Variants in SLC9C1 observed in about 807,000 individuals in gnomAD.
SLC9C1 encodes the protein solute carrier family 9 member C1.
In SLC9C1, 97 loss-of-function variants were observed where a neutral mutation model predicts 140.9. The ratio of observed to expected loss-of-function variants is 0.69; its 90% confidence interval spans 0.58 to 0.82. The LOEUF is 0.82. SLC9C1 is among the 40% of genes least tolerant of loss of function. The probability of loss-of-function intolerance (pLI) is 0.00; values close to 1 mark genes in which losing one functional copy is unlikely to be tolerated. For synonymous variants in SLC9C1, 440 were observed against 442.6 expected, an observed-to-expected ratio of 0.99 and a Z score of 0.07; for missense variants, 1,340 against 1,389.3, an observed-to-expected ratio of 0.96 and a Z score of 0.56.
chr3:112,266,380 C>G, intron 7 of SLC9C1, 40 bp from the exon 8 acceptor site: 1 of 1,445,548 alleles, frequency 6.9e-7, no homozygotes, highest in Non-Finnish European at 9.5e-7. Context: ...ATTAATTTAA[C>G]ATCAACAGCA....
At chr3:112,187,450 C>A (rs971168245) in intron 20 of SLC9C1, among the ~76,000 whole-genome samples, 2 of 152,066 alleles carry the variant, frequency 1.3e-5, no homozygotes, top group African/African-American at 2.4e-5. Context: ...CTAAAAATAA[C>A]CTTCATTGAA....
intron 28 of SLC9C1, among the ~76,000 whole-genome samples, chr3:112,147,926 T>C (rs1483745918): frequency 6.6e-6 from 1 of 152,224 alleles, no homozygotes; most frequent in Admixed American, 6.5e-5. Flanking sequence ...GATTTCTTTA[T>C]ATAATCCCAT....
chr3:112,190,402 A>G (rs767078457), intron 20 of SLC9C1, among the ~76,000 whole-genome samples: 44 of 152,302 alleles, frequency 2.9e-4, no homozygotes, highest in Middle Eastern at 3.4e-3. Context: ...ATTTTGAGAT[A>G]CATTCCATCA....
intron 7 of SLC9C1, 116 bp from the exon 8 acceptor site, chr3:112,266,456 C>T (rs1298969379): frequency 4.2e-6 from 3 of 718,568 alleles, no homozygotes; most frequent in African/African-American, 1.8e-5. Flanking sequence ...TATAGAGAGG[C>T]AACTTCACTT....
intron 3 of SLC9C1, 106 bp from the exon 4 acceptor site, chr3:112,278,963 A>G: frequency 1.7e-6 from 2 of 1,145,370 alleles, no homozygotes; most frequent in Non-Finnish European, 2.4e-6. Context: ...AATTTTTAAA[A>G]GATATATCAC....
intron 26 of SLC9C1, among the ~76,000 whole-genome samples, chr3:112,165,950 T>G (rs2077123057): frequency 6.6e-6 from 1 of 152,242 alleles, no homozygotes; most frequent in Admixed American, 6.5e-5. Context: ...TTTGTTTACC[T>G]ACTCAAGCCT....
At chr3:112,220,027 CA>C (rs2078497300) in intron 14 of SLC9C1, among the ~76,000 whole-genome samples, 1 of 152,174 alleles carries the variant, frequency 6.6e-6, no homozygotes, top group Non-Finnish European at 1.5e-5. Flanking sequence ...CCAGCCCTCT[CA>C]ACTCCCTCAA....
chr3:112,258,398 G>A (rs1445360111), intron 10 of SLC9C1, among the ~76,000 whole-genome samples: 1 of 136,356 alleles, frequency 7.3e-6, no homozygotes, highest in African/African-American at 2.5e-5. Flanking sequence ...AGATTTGGGT[G>A]GGTTTTTTTG....
intron 13 of SLC9C1, among the ~76,000 whole-genome samples, chr3:112,222,297 C>T (rs1271988232): frequency 6.6e-6 from 1 of 151,974 alleles, no homozygotes; most frequent in Non-Finnish European, 1.5e-5. Flanking sequence ...CCAATGGGAA[C>T]GCAGAAACCA....
Position 112,167,342 on chromosome 3 carries a change from TTGTATC to T in SLC9C1, c.3238-1_3242del. ...CTACTTTTGTGAAATCTTCAATACT[TTGTATC>T]TGAAAGTTGACAGAATGCAAGTTAA... On this transcript the variant is annotated splice_acceptor_variant and coding_sequence_variant, in exon 26 of 29. Coordinates refer to ENST00000305815, the MANE Select transcript of SLC9C1 (RefSeq NM_183061.3). LOFTEE classifies it high-confidence loss of function. 6.3e-7 allele frequency: 1 copy of T among 1,588,940 alleles called. No homozygotes were observed. Among genetic ancestry groups the T allele is most frequent in the South Asian group, 1.2e-5 (1 of 86,898 alleles).
intron 11 of SLC9C1, among the ~76,000 whole-genome samples, chr3:112,242,901 C>G (rs6798471): frequency 0.59 from 89,919 of 151,942 alleles, 27,117 homozygotes; most frequent in East Asian, 0.79. Flanking sequence ...AAGTGGCCAA[C>G]AAACACATGA....
chr3:112,270,092 C>T lies in SLC9C1; in HGVS notation c.614-15G>A, dbSNP rs369608861. On this transcript the variant is annotated splice_polypyrimidine_tract_variant and intron_variant, in intron 6 of 28. Transcript: ENST00000305815. ...GATCTCTTCAGCTACAAGAAAGGGG[C>T]GTAAATAAGAAATAGTTAATAGAAC... is the stretch of plus-strand genomic sequence containing the variant. 9.4e-6 allele frequency: 14 copies of T among 1,495,334 alleles called. No individual in the cohort carries two copies. The highest frequency in any genetic ancestry group is 1.2e-5 in the Non-Finnish European group (13 of 1,122,638). The allele number at this position is 1,495,334 out of a possible 1,614,324, so 92.6% of individuals were successfully genotyped here. A position where few individuals can be genotyped will look rare whatever the true frequency, so the allele number is the denominator to read the frequency against.
chr3:112,283,719 A>G (rs572231761), intron 2 of SLC9C1, among the ~76,000 whole-genome samples: 2 of 151,918 alleles, frequency 1.3e-5, no homozygotes, highest in African/African-American at 4.8e-5. Context: ...ATGCATAAAT[A>G]TTGGTTACCA....
At chr3:112,215,531 G>T (rs1392773831) in intron 15 of SLC9C1, among the ~76,000 whole-genome samples, 1 of 152,052 alleles carries the variant, frequency 6.6e-6, no homozygotes, top group Non-Finnish European at 1.5e-5. Flanking sequence ...AAAAATCAAT[G>T]TACAAAAATC....
chr3:112,143,191 G>A (rs909926754), intron 28 of SLC9C1, among the ~76,000 whole-genome samples: 1 of 151,724 alleles, frequency 6.6e-6, no homozygotes, highest in African/African-American at 2.4e-5. Context: ...GTGGTGCTAC[G>A]ATGAACATGC....
intron 9 of SLC9C1, 105 bp from the exon 10 acceptor site, chr3:112,263,203 A>G (rs2079826200): frequency 1.1e-6 from 1 of 924,000 alleles, no homozygotes; most frequent in African/African-American, 1.7e-5. Context: ...CTAACTCTCA[A>G]ACAAATGAGA....
Position 112,208,283 on chromosome 3 carries a change from G to T in SLC9C1, c.1881C>A (p.Pro627=). Residue 627 remains proline (P), a synonymous_variant, in exon 16 of 29, where the codon CCC becomes CCA. Coordinates refer to ENST00000305815, the MANE Select transcript of SLC9C1 (RefSeq NM_183061.3). ...GYLVILMNIF[P]FIISWISQLN... is the part of the protein sequence containing the mutation. The stretch of plus-strand genomic sequence containing the variant: ...ACTGGGATATCCAAGAGATTATAAA[G>T]GGAAATATATTCATTAATATCACAA... 6.2e-7 allele frequency: 1 copy of T among 1,610,336 alleles called. No individual in the cohort carries two copies. Among genetic ancestry groups the T allele is most frequent in the Non-Finnish European group, 8.5e-7 (1 of 1,177,366 alleles).
chr3:112,258,898 A>G (rs2079688308), intron 10 of SLC9C1, among the ~76,000 whole-genome samples: 1 of 152,154 alleles, frequency 6.6e-6, no homozygotes, highest in South Asian at 2.1e-4. Context: ...AAATCTTCAC[A>G]TGGCAGAGCA....
At chr3:112,193,632 G>C (rs1048056851) in intron 20 of SLC9C1, among the ~76,000 whole-genome samples, 2 of 152,078 alleles carry the variant, frequency 1.3e-5, no homozygotes, top group Non-Finnish European at 2.9e-5. Flanking sequence ...TGGGGTCATT[G>C]GGCAGGCCAG....
Sources: gnomAD v4.1 joint callset for allele counts (sites outside exome capture counted in the v4.1 genomes callset) on GRCh38, gnomAD v4.1.1 for gene constraint, MANE v1.5 for transcripts, NCBI Gene and HGNC (gene_info 2026-07-23, HGNC 2026-07-21) for gene names.